The following HIRIP3 variants were observed in gnomAD, a reference collection of about 807,000 sequenced individuals.
HIRIP3 encodes HIRA interacting protein 3.
In HIRIP3, 40 loss-of-function variants were observed where a neutral mutation model predicts 50.3. The ratio of observed to expected loss-of-function variants is 0.79; its 90% CI spans 0.62 to 1.03. The LOEUF (loss-of-function observed/expected upper bound fraction) is 1.03. Ranked by LOEUF, HIRIP3 falls within the 50% of genes least tolerant of loss-of-function variation. The probability of loss-of-function intolerance (pLI) is 0.00; values close to 1 mark genes in which losing one functional copy is unlikely to be tolerated. For missense variants in HIRIP3, 765 were observed against 705.4 expected (o/e 1.08, Z -0.96); for synonymous variants, 318 against 261.6 (o/e 1.22, Z -2.08).
Position 29,994,742 on chromosome 16 carries a change from C to G in HIRIP3, c.403G>C (p.Ala135Pro), listed in dbSNP as rs1450605126. ...SPAKEENPRR[A>P]SKAVEESSDE... ...CTGCTCTCCTCAACTGCCTTTGAGG[C>G]TCGCCTTGGATTCTCCTCTTTGGCT... Residue 135 changes from alanine to proline, a missense_variant, in exon 4 of 7, where the codon GCC becomes CCC. By Grantham distance (27) the Ala-to-Pro change is conservative (BLOSUM62 -1). Coordinates refer to ENST00000279392, the MANE Select transcript of HIRIP3 (RefSeq NM_003609.5). 1.2e-6 allele frequency: 2 copies of G among 1,614,236 alleles called. No individual in the cohort carries two copies. The highest frequency in any genetic ancestry group is 8.5e-7 in the Non-Finnish European group (1 of 1,180,040).
upstream of HIRIP3, chr16:29,995,973 C>A (rs1406590638): frequency 1.8e-6 from 1 of 564,986 alleles, no homozygotes; most frequent in African/African-American, 1.9e-5. Context: ...AAGGCATCCT[C>A]GCGAGCAGAT....
In HIRIP3 at chr16:29,994,571, C is replaced by T. The variant is rs1282573124; in HGVS notation, c.574G>A (p.Ala192Thr). 9 of 1,614,192 alleles carry T rather than the reference C, an allele frequency of 5.6e-6. No homozygotes were observed. Among genetic ancestry groups the T allele is most frequent in the Non-Finnish European group, 6.8e-6 (8 of 1,180,028 alleles). Residue 192 changes from alanine (A) to threonine (T), a missense_variant, in exon 4 of 7, where the codon GCC becomes ACC. Coordinates refer to ENST00000279392, the MANE Select transcript of HIRIP3 (RefSeq NM_003609.5). ...TCGCTCTCCTCACTTTCTTCCCTGG[C>T]CTGCTTCCTACTGACTGAGGCCTTG... ...PGKASVSRKQAREESEESEAE... is the reference protein window; with the variant it reads ...PGKASVSRKQTREESEESEAE...
rs1306648313 is a variant in HIRIP3, at chr16:29,994,404, C to G, written c.741G>C (p.Glu247Asp). The G allele has an allele frequency of 1.1e-5, 17 of 1,613,612 alleles. No homozygotes were observed. The highest frequency in any genetic ancestry group is 1.4e-5 in the Non-Finnish European group (16 of 1,179,770). Residue 247 changes from glutamate (E) to aspartate (D), a missense_variant, in exon 4 of 7, where the codon GAG (glutamate) becomes GAC (aspartate). By Grantham distance (45) the Glu-to-Asp change is conservative. Transcript: ENST00000279392. Reference sequence around the variant, plus strand: ...CCCCCTTTTCCTCATCCTCTTCTTTCTCTTCCTCCTCCACTTCCTCCTCTC... The same window carrying G: ...CCCCCTTTTCCTCATCCTCTTCTTTGTCTTCCTCCTCCACTTCCTCCTCTC... ...EQREEEVEEE[E>D]KEEDEEKGDW...
chr16:29,995,699 G>A, upstream of HIRIP3: 1 of 1,481,902 alleles, frequency 6.7e-7, no homozygotes, highest in South Asian at 1.2e-5. Context: ...CAGTGCTGCG[G>A]CAACGTGGGG....
chr16:29,994,780 G>A lies in HIRIP3; in HGVS notation c.365C>T (p.Ala122Val), dbSNP rs767969100. ...FGPPAKNGVA[A>V]EVSPAKEENP... ...CTCCTCTTTGGCTGGGCTGACTTCT[G>A]CTGCCACCCCATTCTTTGCTGGGGG... is the stretch of plus-strand genomic sequence containing the variant. The change falls in exon 4 of 7, where the codon GCA becomes GTA. Residue 122 changes from alanine (A) to valine (V), a missense_variant. Physicochemically the swap from Ala to Val is moderately conservative, Grantham distance 64. Coordinates refer to ENST00000279392, the MANE Select transcript of HIRIP3 (RefSeq NM_003609.5). 1.2e-6 allele frequency: 2 copies of A among 1,614,122 alleles called. No homozygotes were observed. The highest frequency in any genetic ancestry group is 3.3e-5 in the Admixed American group (2 of 60,020).
rs2070005988 is a variant in HIRIP3 at position 29,993,152 on chromosome 16, G to A, written c.*55C>T. On this transcript the variant is annotated 3_prime_UTR_variant, in exon 7 of 7. Transcript: ENST00000279392. ...TCTGTTCCACAGACACAGGGCAAGG[G>A]GTGCTATGTATGCTTTGTACATGTA... is the stretch of plus-strand genomic sequence containing the variant. 6.7e-7 allele frequency: 1 copy of A among 1,485,948 alleles called. No homozygotes were observed. Among genetic ancestry groups the A allele is most frequent in the Non-Finnish European group, 9.0e-7 (1 of 1,106,126 alleles). 92.0% of individuals were successfully genotyped at this position (1,485,948 alleles called of 1,614,324 possible).
At position 29,994,791 on chromosome 16, in the gene HIRIP3, A is replaced by G; in HGVS notation, c.354T>C (p.Asn118=). The change falls in exon 4 of 7, where the codon AAT becomes AAC. Residue 118 remains asparagine (N), a synonymous_variant. Transcript: ENST00000279392. Reference sequence around the variant, plus strand: ...CTGGGCTGACTTCTGCTGCCACCCCATTCTTTGCTGGGGGTCCAAAGTAGT... The same window carrying G: ...CTGGGCTGACTTCTGCTGCCACCCCGTTCTTTGCTGGGGGTCCAAAGTAGT... ...SPDYFGPPAK[N]GVAAEVSPAK... 6.2e-7 allele frequency: 1 copy of G among 1,613,790 alleles called. No individual in the cohort carries two copies. The highest frequency in any genetic ancestry group is 8.5e-7 in the Non-Finnish European group (1 of 1,179,928).
chr16:29,994,434 CT>C lies in HIRIP3; in HGVS notation c.710del (p.Glu237GlyfsTer93). The C allele has an allele frequency of 6.2e-7, 1 of 1,614,022 alleles. No individual in the cohort carries two copies. ...SEEEILAQKK[E>X]QREEEVEEEE... ...CCTCCTCCACTTCCTCCTCTCTCTGCTCTTTCTTCTGGGCTAGGATCTCCTC... is the reference window on the plus strand; with the variant it reads ...CCTCCTCCACTTCCTCCTCTCTCTGCCTTTCTTCTGGGCTAGGATCTCCTC... On this transcript the variant is annotated frameshift_variant, in exon 4 of 7. Coordinates refer to ENST00000279392, the MANE Select transcript of HIRIP3 (RefSeq NM_003609.5). LOFTEE classifies it high-confidence loss of function.
chr16:29,993,128 C>G lies in HIRIP3; in HGVS notation c.*79G>C. 1 of 1,370,120 alleles carries G rather than the reference C, an allele frequency of 7.3e-7. No homozygotes were observed. The highest frequency in any genetic ancestry group is 9.8e-7 in the Non-Finnish European group (1 of 1,023,502). 84.9% of individuals were successfully genotyped at this position (1,370,120 alleles called of 1,614,324 possible). ...CAGTCTTCTCTGAAGGAAGCTGCTTCTGTTCCACAGACACAGGGCAAGGGG... is the reference window on the plus strand; with the variant it reads ...CAGTCTTCTCTGAAGGAAGCTGCTTGTGTTCCACAGACACAGGGCAAGGGG... On this transcript the variant is annotated 3_prime_UTR_variant, in exon 7 of 7. Coordinates refer to ENST00000279392, the MANE Select transcript of HIRIP3 (RefSeq NM_003609.5).
rs766711969 is a variant in HIRIP3 at position 29,994,624 on chromosome 16, T to A, written c.521A>T (p.Lys174Ile). 1 of 1,614,134 alleles carries A rather than the reference T, an allele frequency of 6.2e-7. No individual in the cohort carries two copies. The highest frequency in any genetic ancestry group is 1.1e-5 in the South Asian group (1 of 91,076). ...EKGYKGKTRKKPVVKKQAPGK... is the reference protein window; with the variant it reads ...EKGYKGKTRKIPVVKKQAPGK... Reference sequence around the variant, plus strand: ...TGGTGCCTGCTTCTTTACCACAGGTTTCTTCCTAGTCTTCCCCTTGTACCC... The same window carrying A: ...TGGTGCCTGCTTCTTTACCACAGGTATCTTCCTAGTCTTCCCCTTGTACCC... The change falls in exon 4 of 7, where the codon AAA becomes ATA. Residue 174 changes from lysine (K) to isoleucine (I), a missense_variant. Physicochemically the swap from Lys to Ile is moderately radical, Grantham distance 102. Transcript: ENST00000279392.
Position 29,994,527 on chromosome 16 carries a change from C to T in HIRIP3, c.618G>A (p.Arg206=). The T allele has an allele frequency of 6.2e-7, 1 of 1,614,154 alleles. No homozygotes were observed. Among genetic ancestry groups the T allele is most frequent in the Non-Finnish European group, 8.5e-7 (1 of 1,180,038 alleles). The change falls in exon 4 of 7, where the codon AGG becomes AGA. Residue 206 remains arginine (R), a synonymous_variant. Transcript: ENST00000279392. ...SEESEAEPVQ[R]TAKKVEGNKG... ...TATTTCCCTCCACCTTCTTTGCTGT[C>T]CTCTGAACGGGTTCTGCCTCGCTCT...
In HIRIP3 at chr16:29,994,951, G is replaced by A. The variant is rs1323245016; in HGVS notation, c.302-108C>T. 11 of 1,488,676 alleles carry A rather than the reference G, an allele frequency of 7.4e-6. No homozygotes were observed. In the East Asian group the frequency reaches 2.1e-4, roughly 28 times the overall value. 92.2% of individuals were successfully genotyped at this position (1,488,676 alleles called of 1,614,324 possible). A position where few individuals can be genotyped will look rare whatever the true frequency, so the allele number is the denominator to read the frequency against. ...TGCCCTGACAGTTGGAGGGGCAGCA[G>A]GAAACAGCTATCTGTACTTGCTGTT... On this transcript the variant is annotated intron_variant, in intron 3 of 6. Transcript: ENST00000279392.
chr16:29,995,913 T>G, upstream of HIRIP3: 1 of 571,106 alleles, frequency 1.8e-6, no homozygotes, highest in South Asian at 2.1e-5. Context: ...CCTTTCTCAC[T>G]GGTCACGGGC....
Position 29,995,530 on chromosome 16 carries a change from C to A in HIRIP3, c.65+11G>T, listed in dbSNP as rs367786840. 2 of 1,613,380 alleles carry A rather than the reference C, an allele frequency of 1.2e-6. No homozygotes were observed. Among genetic ancestry groups the A allele is most frequent in the Admixed American group, 3.3e-5 (2 of 60,016 alleles). On this transcript the variant is annotated intron_variant, in intron 1 of 6. Transcript: ENST00000279392. ...CGCCCTTTCCAACCCCATCTCCAAC[C>A]CCCTGGGCACCTGAGGTCCGGGCGG...
At chr16:29,995,803 C>T (rs2070086872), upstream of HIRIP3, 1 of 642,622 alleles carries the variant, frequency 1.6e-6, no homozygotes, top group South Asian at 2.0e-5. Context: ...GGTCTCGCGG[C>T]TCCTACCCTT....
rs752995783 is a variant in HIRIP3, at chr16:29,993,205, G to A, written c.*2C>T. 8.2e-6 allele frequency: 13 copies of A among 1,590,350 alleles called. No individual in the cohort carries two copies. The highest frequency in any genetic ancestry group is 1.1e-5 in the Non-Finnish European group (13 of 1,167,366). On this transcript the variant is annotated 3_prime_UTR_variant, in exon 7 of 7. Coordinates refer to ENST00000279392, the MANE Select transcript of HIRIP3 (RefSeq NM_003609.5). Reference sequence around the variant, plus strand: ...AAGGGTCCCTCCTGGGGGTGGCAGAGCTCAGTTACTCTCGCCATCACTGCT... The same window carrying A: ...AAGGGTCCCTCCTGGGGGTGGCAGAACTCAGTTACTCTCGCCATCACTGCT...
chr16:29,995,597 C>A lies in HIRIP3; in HGVS notation c.9G>T (p.Arg3=), dbSNP rs747902326. 3 of 1,612,284 alleles carry A rather than the reference C, an allele frequency of 1.9e-6. No homozygotes were observed. Among genetic ancestry groups the A allele is most frequent in the Non-Finnish European group, 2.5e-6 (3 of 1,180,016 alleles). MA[R]EKEMQEFTRS... ...GGGTGAACTCCTGCATCTCCTTCTC[C>A]CGCGCCATTTTGCTCAACCCGGGAT... Residue 3 remains arginine (R), a synonymous_variant, in exon 1 of 7, where the codon CGG becomes CGT. Transcript: ENST00000279392.
Position 29,994,673 on chromosome 16 carries a change from CCT to C in HIRIP3, c.470_471del (p.Glu157GlyfsTer4). 1 of 1,614,178 alleles carries C rather than the reference CCT, an allele frequency of 6.2e-7. No individual in the cohort carries two copies. Among genetic ancestry groups the C allele is most frequent in the Non-Finnish European group, 8.5e-7 (1 of 1,180,034 alleles). On this transcript the variant is annotated frameshift_variant, in exon 4 of 7. Coordinates refer to ENST00000279392, the MANE Select transcript of HIRIP3 (RefSeq NM_003609.5). LOFTEE classifies it high-confidence loss of function. ...CCCTTTTCCTCCTCCTCACTGCTCT[CCT>C]CTCCCCTCTGTGCGGGCAGGTCCCT... Reference protein sequence around the residue: ...RQRDLPAQRGEESSEEEEKGY... With the variant: ...RQRDLPAQRGXESSEEEEKGY...
rs763754084 is a variant in HIRIP3 at position 29,993,553 on chromosome 16, G to A, written c.1413C>T (p.Thr471=). ...AELEALGMKG[T]PSLGKCRALK... is the part of the protein sequence containing the mutation. ...GGGCCCGACACTTCCCTAGGGAAGG[G>A]GTACCTGGGGCAGAAGAAGCTGGTG... Residue 471 remains threonine, a synonymous_variant, in exon 6 of 7, where the codon ACC becomes ACT. Coordinates refer to ENST00000279392, the MANE Select transcript of HIRIP3 (RefSeq NM_003609.5). 2 of 1,613,406 alleles carry A rather than the reference G, an allele frequency of 1.2e-6. No individual in the cohort carries two copies. The highest frequency in any genetic ancestry group is 4.5e-5 in the East Asian group (2 of 44,866).
Sources: allele counts gnomAD v4.1 joint callset, GRCh38; gene constraint gnomAD v4.1.1; transcripts MANE v1.5; gene names NCBI Gene and HGNC (gene_info 2026-07-23, HGNC 2026-07-21).